The following GBF1 variants were observed in gnomAD, a reference collection of about 807,000 sequenced individuals.
GBF1 encodes the protein golgi brefeldin A resistant guanine nucleotide exchange factor 1, also known as Golgi-specific brefeldin A-resistance guanine nucleotide exchange factor 1.
Under a neutral mutation model 210.5 loss-of-function variants are expected in GBF1, and 114 were observed. The ratio of observed to expected loss-of-function variants is 0.54; its 90% confidence interval spans 0.47 to 0.63. The LOEUF (loss-of-function observed/expected upper bound fraction) is 0.63. Ranked by LOEUF, GBF1 falls within the 30% of genes least tolerant of loss-of-function variation. The probability of loss-of-function intolerance (pLI) is 0.00; values close to 1 mark genes in which losing one functional copy is unlikely to be tolerated. For missense variants in GBF1, 1,851 were observed against 2,357.7 expected (o/e 0.79, Z 4.45); for synonymous variants, 850 against 889.2 (o/e 0.96, Z 0.78).
chr10:102,306,676 G>T (rs1458858956), intron 3 of GBF1, among the ~76,000 whole-genome samples: 1 of 152,164 alleles, frequency 6.6e-6, no homozygotes, highest in Non-Finnish European at 1.5e-5. Context: ...TGCCCACCTG[G>T]GCCTCCCAAA....
In GBF1 at chr10:102,361,744, C is replaced by G. The variant is rs1434173825; in HGVS notation, c.1518C>G (p.Ile506Met). Residue 506 changes from isoleucine (I) to methionine (M), a missense_variant, in exon 14 of 40, where the codon ATC (isoleucine) becomes ATG (methionine). Ile to Met is a conservative substitution (Grantham distance 10). Coordinates refer to ENST00000369983, the MANE Select transcript of GBF1 (RefSeq NM_001377137.1). ...TGTACATCAAAAAGCTTATGGAGAT[C>G]ATCACTGTGGAGAACCCCAAGATGC... ...MEMYIKKLME[I>M]ITVENPKMPY... The G allele has an allele frequency of 1.2e-6, 2 of 1,603,670 alleles. No homozygotes were observed. Among genetic ancestry groups the G allele is most frequent in the African/African-American group, 2.7e-5 (2 of 74,488 alleles).
upstream of GBF1, among the ~76,000 whole-genome samples, chr10:102,242,917 A>C (rs2070575253): frequency 9.0e-6 from 1 of 110,528 alleles, no homozygotes; most frequent in Non-Finnish European, 1.9e-5. Flanking sequence ...CGACAGAGCA[A>C]GACTCTGTCT....
rs2059053332 is a variant in GBF1 at position 102,352,513 on chromosome 10, C to T, written c.579C>T (p.Phe193=). ...TCGTAGACATGGTGCAGCTGCTCTT[C>T]ACAAGGTAAACCTGCTGCTGTTTGC... ...HTLVDMVQLL[F]TRLPQFKEEP... The change falls in exon 7 of 40, where the codon TTC becomes TTT. Residue 193 remains phenylalanine (F), a synonymous_variant. Transcript: ENST00000369983. 1.9e-6 allele frequency: 3 copies of T among 1,608,508 alleles called. No individual in the cohort carries two copies. The highest frequency in any genetic ancestry group is 1.3e-5 in the African/African-American group (1 of 74,824).
At chr10:102,303,763 G>T (rs1469220572) in intron 3 of GBF1, among the ~76,000 whole-genome samples, 2 of 152,102 alleles carry the variant, frequency 1.3e-5, no homozygotes, top group Non-Finnish European at 2.9e-5. Context: ...TATTATTGTT[G>T]TTTTATGATA....
chr10:102,346,917 A>G (rs2058615486), intron 4 of GBF1, among the ~76,000 whole-genome samples: 1 of 152,060 alleles, frequency 6.6e-6, no homozygotes, highest in South Asian at 2.1e-4. Context: ...AGTTCTTTGT[A>G]TGGTAGGAAT....
At chr10:102,361,175 C>A in intron 13 of GBF1, 55 bp downstream of exon 13, 1 of 909,672 alleles carries the variant, frequency 1.1e-6, no homozygotes, top group Non-Finnish European at 1.9e-6. Flanking sequence ...AGATATATGG[C>A]ATCTTCAGTG....
At chr10:102,348,890 C>T (rs1341140380) in intron 4 of GBF1, among the ~76,000 whole-genome samples, 3 of 152,226 alleles carry the variant, frequency 2.0e-5, no homozygotes, top group African/African-American at 4.8e-5. Context: ...TGGCTCACAC[C>T]TGTAATCCCA....
chr10:102,232,836 CTGTT>C, the GBF1 span, among the ~76,000 whole-genome samples: 1 of 152,246 alleles, frequency 6.6e-6, no homozygotes, highest in Non-Finnish European at 1.5e-5. Flanking sequence ...GACCAGATGT[CTGTT>C]ACCCATTCTC....
In GBF1 at chr10:102,370,354, G is replaced by A. The variant is rs375498515; in HGVS notation, c.3412-30G>A. On this transcript the variant is annotated intron_variant, in intron 27 of 39. Transcript: ENST00000369983. ...GGCCAGTGGTTGGCTTCTTTTCCAT[G>A]CCTACTTTCCTGCTGCTGTTCCCCT... 21 of 1,546,850 alleles carry A rather than the reference G, an allele frequency of 1.4e-5. No homozygotes were observed. In the African/African-American group the frequency reaches 2.2e-4, roughly 16 times the overall value.
At chr10:102,291,728 C>T (rs76157765) in intron 3 of GBF1, among the ~76,000 whole-genome samples, 1,563 of 152,186 alleles carry the variant, frequency 0.01, 23 homozygotes, top group African/African-American at 0.036. Flanking sequence ...ATCCCTTTGC[C>T]GTGGCACCAT....
chr10:102,313,138 G>C (rs2078626423), intron 3 of GBF1, among the ~76,000 whole-genome samples: 1 of 152,200 alleles, frequency 6.6e-6, no homozygotes, highest in African/African-American at 2.4e-5. Flanking sequence ...CTAATGAAGA[G>C]GAATTGTGCT....
At chr10:102,313,267 C>T (rs141518562) in intron 3 of GBF1, among the ~76,000 whole-genome samples, 5 of 152,276 alleles carry the variant, frequency 3.3e-5, no homozygotes, top group African/African-American at 1.2e-4. Context: ...CTTCTGAGTA[C>T]ACATGAGTCG....
At chr10:102,231,532 G>T in the GBF1 span, 33 of 1,213,202 alleles carry the variant, frequency 2.7e-5, no homozygotes, top group South Asian at 7.8e-5. Context: ...CCTCCGGGTC[G>T]CAGGCTGAGC....
At chr10:102,270,038 C>T (rs1252783199) in intron 3 of GBF1, among the ~76,000 whole-genome samples, 1 of 151,982 alleles carries the variant, frequency 6.6e-6, no homozygotes, top group Non-Finnish European at 1.5e-5. Flanking sequence ...GCCACCATGC[C>T]CGGCTAATTT....
intron 3 of GBF1, among the ~76,000 whole-genome samples, chr10:102,265,557 G>A (rs930494427): frequency 1.3e-5 from 2 of 152,022 alleles, no homozygotes; most frequent in Admixed American, 1.3e-4. Flanking sequence ...GTATGGTGGC[G>A]TACAACTGTA....
At chr10:102,358,854 T>C (rs900661576) in intron 10 of GBF1, 125 bp downstream of exon 10, 5 of 648,438 alleles carry the variant, frequency 7.7e-6, no homozygotes, top group Non-Finnish European at 1.4e-5. Context: ...GAAGCTCTGA[T>C]CTTTCCTGCT....
At chr10:102,271,581 T>G (rs1413834454) in intron 3 of GBF1, among the ~76,000 whole-genome samples, 1 of 151,892 alleles carries the variant, frequency 6.6e-6, no homozygotes, top group Non-Finnish European at 1.5e-5. Flanking sequence ...TAGAATGTTC[T>G]ACATTCTGGA....
At chr10:102,353,494 G>C in intron 7 of GBF1, 106 bp from the exon 8 acceptor site, 1 of 788,718 alleles carries the variant, frequency 1.3e-6, no homozygotes, top group Non-Finnish European at 2.3e-6. Context: ...CCTTTTCTAA[G>C]ACACAGGGCA....
intron 3 of GBF1, among the ~76,000 whole-genome samples, chr10:102,277,412 G>C (rs59698419): frequency 1.4e-5 from 2 of 138,898 alleles, no homozygotes. Context: ...TTTTTTTTCA[G>C]ACAGTCTCGC....
Sources: gnomAD v4.1 joint callset for allele counts (sites outside exome capture counted in the v4.1 genomes callset) on GRCh38, gnomAD v4.1.1 for gene constraint, MANE v1.5 for transcripts, NCBI Gene and HGNC (gene_info 2026-07-23, HGNC 2026-07-21) for gene names.